CHAF1A: variants seen among roughly 807,000 people sequenced by gnomAD.
The protein encoded by CHAF1A is CAF-1 subunit A.
Under a neutral mutation model 93.2 loss-of-function variants are expected in CHAF1A, and 5 were observed. The ratio of observed to expected loss-of-function variants is 0.05; its 90% confidence interval spans 0.03 to 0.11. The LOEUF is 0.11. Among genes scored for constraint, CHAF1A ranks in the 10% least tolerant of loss-of-function variants. The probability of loss-of-function intolerance (pLI) is 1.00; values close to 1 mark genes in which losing one functional copy is unlikely to be tolerated. For missense variants in CHAF1A, 1,102 were observed against 1,259.9 expected, an observed-to-expected ratio of 0.87 and a Z score of 1.90; for synonymous variants, 504 against 510.3, an observed-to-expected ratio of 0.99 and a Z score of 0.17.
downstream of CHAF1A, among the ~76,000 whole-genome samples, chr19:4,444,198 G>T (rs559261086): frequency 2.0e-4 from 30 of 152,312 alleles, no homozygotes; most frequent in African/African-American, 6.5e-4. Context: ...ACACCAGCTG[G>T]GGCAGTGCCG....
intron 13 of CHAF1A, among the ~76,000 whole-genome samples, chr19:4,441,907 TAAA>T (rs1238932527): frequency 6.6e-6 from 1 of 151,984 alleles, no homozygotes; most frequent in African/African-American, 2.4e-5. Flanking sequence ...CAAAAAAAAA[TAAA>T]AATAAATAAA....
downstream of CHAF1A, chr19:4,446,232 A>T: frequency 6.3e-7 from 1 of 1,577,792 alleles, no homozygotes. Context: ...GGTGGGGCCC[A>T]GGGCCCCCTA....
intron 7 of CHAF1A, among the ~76,000 whole-genome samples, chr19:4,426,569 C>G (rs1346257145): frequency 6.6e-6 from 1 of 150,718 alleles, no homozygotes; most frequent in African/African-American, 2.4e-5. Context: ...CTGCCTCCTG[C>G]GTTCAAATGA....
At position 4,432,115 on chromosome 19, in the gene CHAF1A, T is replaced by A; in HGVS notation, c.2111T>A (p.Leu704Gln). The change falls in exon 12 of 15, where the codon CTG becomes CAG. Residue 704 changes from leucine (L) to glutamine (Q), a missense_variant. This residue lies in a region of CHAF1A where 335 missense variants were observed against 361.9 expected (regional missense o/e 0.93). Transcript: ENST00000301280. ...RDCAGDDLKV[L>Q]QQFAACFLET... Reference sequence around the variant, plus strand: ...TGCGCAGGCGATGACCTGAAGGTACTGCAGCAGTTCGCAGCCTGCTTCCTG... The same window carrying A: ...TGCGCAGGCGATGACCTGAAGGTACAGCAGCAGTTCGCAGCCTGCTTCCTG... The A allele has an allele frequency of 6.2e-7, 1 of 1,613,900 alleles. No individual in the cohort carries two copies. The highest frequency in any genetic ancestry group is 8.5e-7 in the Non-Finnish European group (1 of 1,179,976).
rs150909775 is a variant in CHAF1A at position 4,432,999 on chromosome 19, GTT to G, written c.2204-68_2204-67del. On this transcript the variant is annotated intron_variant, in intron 12 of 14. Transcript: ENST00000301280. ...TCGGTGGCAATGAGCTTGTGTATGT[GTT>G]TTGTTTTTTGGCCTGTGGTGATGGG... 1,476 of 1,264,524 alleles carry G rather than the reference GTT, an allele frequency of 1.2e-3. 21 individuals carry two copies. In the African/African-American group the frequency reaches 0.02, roughly 17 times the overall value. The allele number at this position is 1,264,524 out of a possible 1,614,324, so 78.3% of individuals were successfully genotyped here.
At chr19:4,421,062 A>C in intron 4 of CHAF1A, among the ~76,000 whole-genome samples, 1 of 152,144 alleles carries the variant, frequency 6.6e-6, no homozygotes, top group East Asian at 1.9e-4. Flanking sequence ...ATGAGACTCT[A>C]TCTCCAAATA....
intron 8 of CHAF1A, chr19:4,429,208 G>C: frequency 1.6e-6 from 1 of 607,358 alleles, no homozygotes; most frequent in Non-Finnish European, 2.9e-6. Flanking sequence ...AAAATGCTCT[G>C]GGGCTGCACC....
In CHAF1A at chr19:4,435,215, C is replaced by T. The variant is rs552242863; in HGVS notation, c.2673+1676C>T. ...ACACCATTCTTCTGGCTCAGCCTCCCGAGTAGCTGGGACTACAGGTGCCCG... is the reference window on the plus strand; with the variant it reads ...ACACCATTCTTCTGGCTCAGCCTCCTGAGTAGCTGGGACTACAGGTGCCCG... On this transcript the variant is annotated intron_variant, in intron 13 of 14. Transcript: ENST00000301280. 3.3e-5 allele frequency among the ~76,000 whole-genome samples: 5 copies of T among 151,140 alleles called. No homozygotes were observed. In the South Asian group the frequency reaches 6.3e-4, roughly 19 times the overall value.
Position 4,429,613 on chromosome 19 carries a change from T to TA in CHAF1A, c.1773+8dup. Reference sequence around the variant, plus strand: ...CCCCTGGGCCCAGGACACGGTGAGCTAGCCCCAGAGTGCCTCCGTCCCCGT... The same window carrying TA: ...CCCCTGGGCCCAGGACACGGTGAGCTAAGCCCCAGAGTGCCTCCGTCCCCGT... On this transcript the variant is annotated splice_region_variant and intron_variant, in intron 9 of 14. Coordinates refer to ENST00000301280, the MANE Select transcript of CHAF1A (RefSeq NM_005483.3). 1.2e-6 allele frequency: 2 copies of TA among 1,614,076 alleles called. No individual in the cohort carries two copies. The highest frequency in any genetic ancestry group is 1.1e-5 in the South Asian group (1 of 91,086).
At position 4,408,943 on chromosome 19, in the gene CHAF1A, G is replaced by A; in HGVS notation, c.144G>A (p.Gly48=). Residue 48 remains glycine, a synonymous_variant, in exon 3 of 15, where the codon GGG becomes GGA. Transcript: ENST00000301280. ...AGCGCCTGAATCTTGTCCCAAAGGG[G>A]AAAGCCGATGACATGTCAGACGATC... The part of the protein sequence containing the change: ...PFKRLNLVPK[G]KADDMSDDQG... 1 of 1,612,410 alleles carries A rather than the reference G, an allele frequency of 6.2e-7. No individual in the cohort carries two copies. The highest frequency in any genetic ancestry group is 8.5e-7 in the Non-Finnish European group (1 of 1,179,582).
At chr19:4,446,281 A>C, downstream of CHAF1A, 1 of 1,570,918 alleles carries the variant, frequency 6.4e-7, no homozygotes, top group African/African-American at 1.3e-5. Context: ...GTTGGTGCCC[A>C]CCCTGCAGGA....
intron 3 of CHAF1A, 136 bp downstream of exon 3, chr19:4,409,895 G>A: frequency 1.1e-6 from 1 of 938,650 alleles, no homozygotes; most frequent in South Asian, 1.7e-5. Flanking sequence ...TCGACGTGGA[G>A]TTCTTCCTGG....
At chr19:4,414,404 A>C (rs1973862033) in intron 3 of CHAF1A, among the ~76,000 whole-genome samples, 1 of 151,772 alleles carries the variant, frequency 6.6e-6, no homozygotes, top group Non-Finnish European at 1.5e-5. Flanking sequence ...CTCAAAAAAA[A>C]AAAAAAACAA....
At chr19:4,428,309 T>A (rs539491759) in intron 7 of CHAF1A, among the ~76,000 whole-genome samples, 65 of 138,832 alleles carry the variant, frequency 4.7e-4, no homozygotes, top group Non-Finnish European at 7.6e-4. Flanking sequence ...TTTTTTTTTT[T>A]AAGTGAGGTT....
At position 4,409,064 on chromosome 19, in the gene CHAF1A, C is replaced by A; in HGVS notation, c.265C>A (p.Pro89Thr). 6.2e-7 allele frequency: 1 copy of A among 1,614,162 alleles called. No homozygotes were observed. The highest frequency in any genetic ancestry group is 8.5e-7 in the Non-Finnish European group (1 of 1,180,032). ...CHVGSDIDFRPKLVNGKGPLD... is the reference protein window; with the variant it reads ...CHVGSDIDFRTKLVNGKGPLD... ...TGTGGGTTCTGACATAGACTTTAGA[C>A]CGAAACTTGTCAACGGGAAGGGTCC... Residue 89 changes from proline (P) to threonine (T), a missense_variant, in exon 3 of 15, where the codon CCG becomes ACG. Pro to Thr is a conservative substitution (Grantham distance 38, BLOSUM62 -1). Transcript: ENST00000301280.
At chr19:4,432,342 C>A (rs1974200513) in intron 12 of CHAF1A, 135 bp downstream of exon 12, 2 of 1,032,538 alleles carry the variant, frequency 1.9e-6, no homozygotes, top group East Asian at 2.6e-5. Context: ...AGCCCTTTTC[C>A]TGTACATGTC....
At position 4,442,935 on chromosome 19, in the gene CHAF1A, C is replaced by T; in HGVS notation, c.2781C>T (p.Ala927=). ...VDVPDAAEVQ[A]PCGAASGAGG... is the part of the protein sequence containing the mutation. ...TCTCTTGCCCTGCAGAGGTCCAAGCCCCGTGTGGAGCCGCTTCCGGAGCTG... is the reference window on the plus strand; with the variant it reads ...TCTCTTGCCCTGCAGAGGTCCAAGCTCCGTGTGGAGCCGCTTCCGGAGCTG... Residue 927 remains alanine (A), a synonymous_variant, in exon 15 of 15, where the codon GCC becomes GCT. Transcript: ENST00000301280. The T allele has an allele frequency of 6.3e-7, 1 of 1,595,732 alleles. No homozygotes were observed.
intron 13 of CHAF1A, among the ~76,000 whole-genome samples, chr19:4,436,776 A>G (rs1038501176): frequency 6.6e-6 from 1 of 151,648 alleles, no homozygotes; most frequent in Admixed American, 6.6e-5. Context: ...TGCCTCTCCC[A>G]GCTGGGGTGC....
chr19:4,429,900 T>C lies in CHAF1A; in HGVS notation c.1854+112T>C, dbSNP rs564845586. On this transcript the variant is annotated intron_variant, in intron 10 of 14. Transcript: ENST00000301280. ...GCTGTGTTCACTCACTGACAGCTGG[T>C]GTTTGACCTGCTGTGTGGTCTGAAA... 96 of 892,360 alleles carry C rather than the reference T, an allele frequency of 1.1e-4. 1 individual carries two copies. The South Asian group carries it at 1.6e-3, about 15-fold the overall frequency. 55.3% of individuals were successfully genotyped at this position (892,360 alleles called of 1,614,324 possible).
Sources: gnomAD v4.1 joint callset for allele counts (sites outside exome capture counted in the v4.1 genomes callset) on GRCh38, gnomAD v4.1.1 for gene constraint, gnomAD v4.1.1 regional missense constraint, MANE v1.5 for transcripts, NCBI Gene and HGNC (gene_info 2026-07-23, HGNC 2026-07-21) for gene names.